RASA3: variants seen among roughly 807,000 people sequenced by gnomAD.
RASA3 encodes RAS p21 protein activator 3, also known as ras GTPase-activating protein 3.
RASA3 carries 73 observed loss-of-function variants against 110.0 expected under a neutral mutation model. That is an observed-to-expected ratio of 0.66 (90% CI 0.55 to 0.81). The LOEUF (loss-of-function observed/expected upper bound fraction) is 0.81, where lower values mean the gene tolerates loss of function less well. Among genes scored for constraint, RASA3 ranks in the 30% least tolerant of loss-of-function variants. The pLI is 0.00. For missense variants in RASA3, 976 were observed against 1,113.2 expected (o/e 0.88, Z 1.75); for synonymous variants, 500 against 451.4 (o/e 1.11, Z -1.37).
chr13:113,990,014 T>C (rs1167388844), intron 22 of RASA3, among the ~76,000 whole-genome samples: 1 of 152,194 alleles, frequency 6.6e-6, no homozygotes. Context: ...TCCCCATTGC[T>C]GTTCTCGTGA....
intron 2 of RASA3, among the ~76,000 whole-genome samples, chr13:114,073,049 A>G (rs1414652582): frequency 1.3e-5 from 2 of 151,332 alleles, no homozygotes; most frequent in African/African-American, 4.9e-5. Flanking sequence ...GACATTGTCT[A>G]CACACAGAAA....
Position 113,979,104 on chromosome 13 carries a change from A to G in RASA3, c.*243T>C, listed in dbSNP as rs1379656295. The G allele has an allele frequency of 1.9e-6, 1 of 537,138 alleles. No homozygotes were observed. Among genetic ancestry groups the G allele is most frequent in the South Asian group, 2.2e-5 (1 of 45,982 alleles). The allele number at this position is 537,138 out of a possible 1,614,324, so 33.3% of individuals were successfully genotyped here. The stretch of plus-strand genomic sequence containing the variant: ...GCTGATCCCCAGATCCCCACAAACA[A>G]GGAGCAAAAAGCACAGAATCAAATG... On this transcript the variant is annotated 3_prime_UTR_variant, in exon 24 of 24. Coordinates refer to ENST00000334062, the MANE Select transcript of RASA3 (RefSeq NM_007368.4).
chr13:114,114,634 A>G lies in RASA3; in HGVS notation c.55+17801T>C, dbSNP rs2080255617. Among the ~76,000 whole-genome samples, 1 of 152,332 alleles carries G rather than the reference A, an allele frequency of 6.6e-6. No homozygotes were observed. The highest frequency in any genetic ancestry group is 2.1e-4 in the South Asian group (1 of 4,834). On this transcript the variant is annotated intron_variant, in intron 1 of 23. Coordinates refer to ENST00000334062, the MANE Select transcript of RASA3 (RefSeq NM_007368.4). The surrounding 1 kb of genome is among the most constrained non-coding windows in gnomAD (Gnocchi z 4.8). ...GCCAAAATGAGTTGAGCACTATCAC[A>G]TATTTAATTGACTCGTAAAAGCAAC... is the stretch of plus-strand genomic sequence containing the variant.
intron 3 of RASA3, among the ~76,000 whole-genome samples, chr13:114,046,560 C>T: frequency 6.6e-6 from 1 of 152,186 alleles, no homozygotes; most frequent in East Asian, 1.9e-4. Flanking sequence ...ATTTCCGAGT[C>T]ACGGGGTTGT....
At position 114,014,051 on chromosome 13, in the gene RASA3, CGT is replaced by C; in HGVS notation, c.1406-805_1406-804del. Among the ~76,000 whole-genome samples the C allele has an allele frequency of 8.8e-6, 1 of 113,460 alleles. No individual in the cohort carries two copies. 74.4% of individuals were successfully genotyped at this position (113,460 alleles called of 152,430 possible). ...CTCTCTCCGTCTCTATCTCTCTCTC[CGT>C]CTGTCTCTGCCTCTCTCTCCGTCTG... is the stretch of plus-strand genomic sequence containing the variant. On this transcript the variant is annotated intron_variant, in intron 14 of 23. Transcript: ENST00000334062. This position sits in a 1 kb window ranked among gnomAD's most constrained non-coding sequence, Gnocchi z 4.5.
At chr13:114,079,721 G>A (rs1446555141) in intron 1 of RASA3, among the ~76,000 whole-genome samples, 5 of 152,164 alleles carry the variant, frequency 3.3e-5, no homozygotes, top group East Asian at 3.9e-4. Flanking sequence ...ACCCCTCTCC[G>A]GGCTCTGAGC....
At chr13:114,050,489 G>C (rs985888873) in intron 3 of RASA3, among the ~76,000 whole-genome samples, 2 of 152,244 alleles carry the variant, frequency 1.3e-5, no homozygotes, top group African/African-American at 4.8e-5. Flanking sequence ...TAATCACTTG[G>C]GTACAGTGAA....
At position 114,014,959 on chromosome 13, in the gene RASA3, G is replaced by A. The variant is rs1454995953; in HGVS notation, c.1405+250C>T. ...AGACCACTGCGGTGGTGATCTCCAG[G>A]GCTGGGGTCCCCTGGAGACTACTGT... On this transcript the variant is annotated intron_variant, in intron 14 of 23. Transcript: ENST00000334062. The surrounding 1 kb of genome is among the most constrained non-coding windows in gnomAD (Gnocchi z 4.5). 1.3e-5 allele frequency among the ~76,000 whole-genome samples: 2 copies of A among 151,908 alleles called. No homozygotes were observed. The highest frequency in any genetic ancestry group is 6.6e-5 in the Admixed American group (1 of 15,264).
chr13:114,090,942 GTA>G (rs2079883605), intron 1 of RASA3, among the ~76,000 whole-genome samples: 1 of 152,094 alleles, frequency 6.6e-6, no homozygotes, highest in South Asian at 2.1e-4. Context: ...ACATATATAT[GTA>G]TGTTTTTTGG....
intron 2 of RASA3, among the ~76,000 whole-genome samples, chr13:114,063,855 G>C (rs949544026): frequency 1.3e-5 from 2 of 152,194 alleles, no homozygotes; most frequent in African/African-American, 4.8e-5. Context: ...TCTACAGTTT[G>C]CTAAACCGGT....
intron 4 of RASA3, among the ~76,000 whole-genome samples, chr13:114,031,215 TTG>T (rs2054160957): frequency 1.4e-5 from 2 of 145,576 alleles, no homozygotes; most frequent in Non-Finnish European, 3.0e-5. Context: ...GGGCGTGCGA[TTG>T]TGTGTGCGTG....
At chr13:114,062,733 C>T (rs945800847) in intron 2 of RASA3, among the ~76,000 whole-genome samples, 14 of 152,228 alleles carry the variant, frequency 9.2e-5, no homozygotes, top group African/African-American at 2.4e-4. Flanking sequence ...CTCAGACATG[C>T]GTGCTCACAG....
At chr13:114,079,787 G>A (rs2079751989) in intron 1 of RASA3, among the ~76,000 whole-genome samples, 1 of 152,194 alleles carries the variant, frequency 6.6e-6, no homozygotes, top group Admixed American at 6.5e-5. Context: ...GGACACGGGG[G>A]CTCCGTGACT....
chr13:114,007,597 G>C lies in RASA3; in HGVS notation c.1678C>G (p.Leu560Val), dbSNP rs754818772. 2.5e-6 allele frequency: 4 copies of C among 1,612,638 alleles called. No homozygotes were observed. In the African/African-American group the frequency reaches 5.3e-5, roughly 22 times the overall value. The change falls in exon 18 of 24, where the codon CTG becomes GTG. Residue 560 changes from leucine (L) to valine (V), a missense_variant. Leu to Val is a conservative substitution (Grantham distance 32). Coordinates refer to ENST00000334062, the MANE Select transcript of RASA3 (RefSeq NM_007368.4). ...YADAVKNFLD[L>V]ISSSGRRDPK... ...TCTCTTCTCCCCGAGGACGAAATCAGATCCAAGAACTAAAGTTGGAAGAAA... is the reference window on the plus strand; with the variant it reads ...TCTCTTCTCCCCGAGGACGAAATCACATCCAAGAACTAAAGTTGGAAGAAA...
In RASA3 at chr13:114,103,961, C is replaced by T. The variant is rs868323766; in HGVS notation, c.55+28474G>A. Among the ~76,000 whole-genome samples the T allele has an allele frequency of 7.3e-4, 40 of 54,716 alleles. 2 individuals are homozygous for T. The highest frequency in any genetic ancestry group is 1.0e-3 in the Non-Finnish European group (25 of 24,340). 35.9% of individuals were successfully genotyped at this position (54,716 alleles called of 152,430 possible). ...TGCCACAGCCACGGACACCCACCCCCGATGCGTCCACACTGCCGCCGGCCA... is the reference window on the plus strand; with the variant it reads ...TGCCACAGCCACGGACACCCACCCCTGATGCGTCCACACTGCCGCCGGCCA... On this transcript the variant is annotated intron_variant, in intron 1 of 23. Transcript: ENST00000334062.
At position 113,992,587 on chromosome 13, in the gene RASA3, C is replaced by T. The variant is rs762672075; in HGVS notation, c.2143G>A (p.Gly715Ser). 67 of 1,611,406 alleles carry T rather than the reference C, an allele frequency of 4.2e-5. No individual in the cohort carries two copies. The highest frequency in any genetic ancestry group is 3.3e-4 in the Middle Eastern group (2 of 6,070). The change falls in exon 22 of 24, where the codon GGC becomes AGC. Residue 715 changes from glycine to serine, a missense_variant and splice_region_variant. Transcript: ENST00000334062. ...SAPGCSPCTG[G>S]LPANIQLDID... ...TCCAGCTGGATGTTGGCTGGGAGGC[C>T]GCTGTCCAGACACAGCAAGAACAGA...
intron 1 of RASA3, among the ~76,000 whole-genome samples, chr13:114,110,102 G>A (rs2080196908): frequency 6.6e-6 from 1 of 152,162 alleles, no homozygotes; most frequent in South Asian, 2.1e-4. Flanking sequence ...CTGGGTGGTT[G>A]GTAAAAGAAA....
chr13:114,001,788 G>A (rs1042576985), intron 18 of RASA3, among the ~76,000 whole-genome samples: 28 of 152,160 alleles, frequency 1.8e-4, no homozygotes, highest in Admixed American at 7.9e-4. Flanking sequence ...TTGGGGCCGG[G>A]GCAGGCAGCA....
Position 114,013,219 on chromosome 13 carries a change from T to C in RASA3, c.1435A>G (p.Ser479Gly). Reference protein sequence around the residue: ...DDPDVRYTAVSSFIFLRFFAP... With the variant: ...DDPDVRYTAVGSFIFLRFFAP... Reference sequence around the variant, plus strand: ...AAGAACCTCAGGAAGATGAAGCTGCTCACTGCAGTGTACCTGACGTCCGGG... The same window carrying C: ...AAGAACCTCAGGAAGATGAAGCTGCCCACTGCAGTGTACCTGACGTCCGGG... Residue 479 changes from serine (S) to glycine (G), a missense_variant, in exon 15 of 24, where the codon AGC becomes GGC. Around this residue, in one of 4 missense-constraint regions of RASA3, gnomAD observed 732 missense variants for 779.7 expected, o/e 0.94. Transcript: ENST00000334062. 1 of 1,613,256 alleles carries C rather than the reference T, an allele frequency of 6.2e-7. No individual in the cohort carries two copies.
Sources: gnomAD v4.1 joint callset for allele counts (sites outside exome capture counted in the v4.1 genomes callset) on GRCh38, gnomAD v4.1.1 for gene constraint, gnomAD v4.1.1 regional missense constraint, Gnocchi (gnomAD v3.1) non-coding constraint, MANE v1.5 for transcripts, NCBI Gene and HGNC (gene_info 2026-07-23, HGNC 2026-07-21) for gene names.